TNFAIP8: variants seen among roughly 807,000 people sequenced by gnomAD.
TNFAIP8 encodes TNF alpha induced protein 8.
In TNFAIP8, 7 loss-of-function variants were observed where a neutral mutation model predicts 13.3. The ratio of observed to expected loss-of-function variants is 0.52; its 90% CI spans 0.30 to 0.99. The LOEUF is 0.99. Among genes scored for constraint, TNFAIP8 ranks in the 50% least tolerant of loss-of-function variants. The pLI, the probability that TNFAIP8 is intolerant of heterozygous loss-of-function variation, is 0.07. For synonymous variants in TNFAIP8, 94 were observed against 87.6 expected (o/e 1.07, Z -0.41); for missense variants, 258 against 236.9 (o/e 1.09, Z -0.58).
intron 1 of TNFAIP8, among the ~76,000 whole-genome samples, chr5:119,334,905 C>T (rs1413781401): frequency 1.3e-5 from 2 of 151,932 alleles, no homozygotes; most frequent in South Asian, 2.1e-4. Flanking sequence ...GGGTAGGTAG[C>T]GTACTTTGGC....
intron 1 of TNFAIP8, among the ~76,000 whole-genome samples, chr5:119,308,877 C>T (rs963753464): frequency 6.7e-6 from 1 of 149,142 alleles, no homozygotes; most frequent in Non-Finnish European, 1.5e-5. Context: ...AAAAAAAAGA[C>T]CATTCTGATA....
At chr5:119,277,157 C>A (rs1490662958) in intron 1 of TNFAIP8, among the ~76,000 whole-genome samples, 1 of 152,150 alleles carries the variant, frequency 6.6e-6, no homozygotes. Context: ...ACTGCATGGT[C>A]TGTGGTCACA....
intron 1 of TNFAIP8, among the ~76,000 whole-genome samples, chr5:119,325,232 G>A (rs1012948393): frequency 1.3e-5 from 2 of 152,138 alleles, no homozygotes; most frequent in Non-Finnish European, 2.9e-5. Context: ...CCACACTTCT[G>A]TCTATTTCAT....
intron 1 of TNFAIP8, among the ~76,000 whole-genome samples, chr5:119,309,681 G>C (rs1160834896): frequency 1.3e-5 from 2 of 152,216 alleles, no homozygotes; most frequent in African/African-American, 4.8e-5. Context: ...GGAGCATTCA[G>C]AGTGACTCCC....
intron 1 of TNFAIP8, among the ~76,000 whole-genome samples, chr5:119,340,639 G>C (rs1259474438): frequency 6.6e-6 from 1 of 152,228 alleles, no homozygotes; most frequent in Non-Finnish European, 1.5e-5. Context: ...GTTCTGGGCA[G>C]GGTGTGGCAG....
chr5:119,292,957 A>T lies in TNFAIP8; in HGVS notation c.1+24050A>T, dbSNP rs572964349. Among the ~76,000 whole-genome samples the T allele has an allele frequency of 2.2e-3, 334 of 151,574 alleles. 1 individual carries two copies. The highest frequency in any genetic ancestry group is 0.015 in the South Asian group (74 of 4,806). On this transcript the variant is annotated intron_variant, in intron 1 of 1. Coordinates refer to the TNFAIP8 transcript ENST00000274456. ...ATGAAATGTTCTTCTTCTTTTTTTT[A>T]AAAAAATAGTATTTATCTTTATCTG...
intron 1 of TNFAIP8, among the ~76,000 whole-genome samples, chr5:119,288,664 C>T (rs1023289192): frequency 6.6e-6 from 1 of 152,126 alleles, no homozygotes; most frequent in African/African-American, 2.4e-5. Flanking sequence ...AATTTCAGGT[C>T]CCTAACACTA....
intron 1 of TNFAIP8, among the ~76,000 whole-genome samples, chr5:119,391,142 A>G (rs989872163): frequency 2.0e-5 from 3 of 151,890 alleles, no homozygotes; most frequent in African/African-American, 4.8e-5. Context: ...CCTTTCCCCA[A>G]TTTTAAATCC....
upstream of TNFAIP8, among the ~76,000 whole-genome samples, chr5:119,353,920 T>C (rs2112765917): frequency 6.6e-6 from 1 of 152,328 alleles, no homozygotes; most frequent in Middle Eastern, 3.4e-3. Flanking sequence ...TATAGATCAG[T>C]GGAAGCTCTC....
chr5:119,365,140 C>T (rs1324147194), intron 1 of TNFAIP8, among the ~76,000 whole-genome samples: 2 of 152,126 alleles, frequency 1.3e-5, no homozygotes, highest in African/African-American at 2.4e-5. Flanking sequence ...GTGTGAGCCA[C>T]CGCACCCAGC....
intron 1 of TNFAIP8, among the ~76,000 whole-genome samples, chr5:119,322,106 AGATGTTACCCCAG>A (rs1424480137): frequency 5.3e-5 from 8 of 152,170 alleles, no homozygotes; most frequent in Admixed American, 2.0e-4. Context: ...GTTTCTGCTC[AGATGTTACCCCAG>A]GAGAAAGCCT....
intron 1 of TNFAIP8, among the ~76,000 whole-genome samples, chr5:119,303,037 C>T (rs1379962918): frequency 6.6e-6 from 1 of 152,154 alleles, no homozygotes; most frequent in Non-Finnish European, 1.5e-5. Flanking sequence ...CACTCTTCAG[C>T]TCCTCCTCCC....
At chr5:119,379,728 C>A (rs1315135811) in intron 1 of TNFAIP8, among the ~76,000 whole-genome samples, 1 of 152,044 alleles carries the variant, frequency 6.6e-6, no homozygotes, top group Non-Finnish European at 1.5e-5. Flanking sequence ...GTAGCTGGGA[C>A]CATAAGCATA....
rs373006749 is a variant in TNFAIP8, at chr5:119,297,280, T to C, written c.1+28373T>C. Among the ~76,000 whole-genome samples, 201 of 152,118 alleles carry C rather than the reference T, an allele frequency of 1.3e-3. 1 individual carries two copies. Among genetic ancestry groups the C allele is most frequent in the Admixed American group, 7.2e-3 (109 of 15,222 alleles). ...TTCCCTCTACACACTGCTTTGAAAGTGTCCCAGAGATTCTGGTATGTTGTG... is the reference window on the plus strand; with the variant it reads ...TTCCCTCTACACACTGCTTTGAAAGCGTCCCAGAGATTCTGGTATGTTGTG... On this transcript the variant is annotated intron_variant, in intron 1 of 1. Coordinates refer to the TNFAIP8 transcript ENST00000274456.
chr5:119,374,706 G>A (rs760408023), intron 1 of TNFAIP8, among the ~76,000 whole-genome samples: 5 of 152,306 alleles, frequency 3.3e-5, no homozygotes, highest in South Asian at 4.1e-4. Flanking sequence ...TAGGGCATAT[G>A]CCTACGGGAG....
At chr5:119,330,774 A>G (rs1472634904) in intron 1 of TNFAIP8, among the ~76,000 whole-genome samples, 1 of 152,090 alleles carries the variant, frequency 6.6e-6, no homozygotes, top group Non-Finnish European at 1.5e-5. Context: ...TTGCAGAGAG[A>G]TAGAGAAGAA....
chr5:119,374,593 C>A (rs749919424), intron 1 of TNFAIP8, among the ~76,000 whole-genome samples: 2 of 152,130 alleles, frequency 1.3e-5, no homozygotes, highest in African/African-American at 2.4e-5. Context: ...TGGTTGCCAG[C>A]GCAGGGAACA....
chr5:119,358,700 C>T (rs1280350235), intron 1 of TNFAIP8, among the ~76,000 whole-genome samples: 3 of 152,176 alleles, frequency 2.0e-5, no homozygotes, highest in African/African-American at 4.8e-5. Flanking sequence ...GTGTATTTGG[C>T]ATTTAGTTGT....
rs569813404 is a variant in TNFAIP8, at chr5:119,269,006, G to A, written c.1+99G>A. On this transcript the variant is annotated intron_variant, in intron 1 of 1. Transcript: ENST00000274456. ...TCTCGGGGAGCGCCTCCGGCTCAGA[G>A]AGTTTCTGAAGCGAGTGTGAGTGAG... is the stretch of plus-strand genomic sequence containing the variant. 210 of 624,138 alleles carry A rather than the reference G, an allele frequency of 3.4e-4. 1 individual carries two copies. In the East Asian group the frequency reaches 5.5e-3, roughly 16 times the overall value. 38.7% of individuals were successfully genotyped at this position (624,138 alleles called of 1,614,324 possible).
Sources: gnomAD v4.1 joint callset for allele counts (sites outside exome capture counted in the v4.1 genomes callset) on GRCh38, gnomAD v4.1.1 for gene constraint, MANE v1.5 for transcripts, NCBI Gene and HGNC (gene_info 2026-07-23, HGNC 2026-07-21) for gene names.